Variants in PCNT observed in about 807,000 individuals in gnomAD.
PCNT encodes kendrin.
Under a neutral mutation model 380.4 loss-of-function variants are expected in PCNT, and 319 were observed. The observed-to-expected ratio is 0.84, with a 90% CI of 0.77 to 0.92. The LOEUF (loss-of-function observed/expected upper bound fraction) is 0.92, where lower values mean the gene tolerates loss of function less well. Among genes scored for constraint, PCNT ranks in the 40% least tolerant of loss-of-function variants. PCNT has a pLI of 0.00. For missense variants in PCNT, 4,400 were observed against 4,255.3 expected (o/e 1.03, Z -0.95); for synonymous variants, 1,845 against 1,735.2 (o/e 1.06, Z -1.57).
intron 2 of PCNT, among the ~76,000 whole-genome samples, chr21:46,328,583 C>G (rs1288300577): frequency 6.6e-6 from 1 of 152,120 alleles, no homozygotes; most frequent in Non-Finnish European, 1.5e-5. Context: ...GCGTCAGCCT[C>G]CCGTGTAGCT....
At chr21:46,429,878 T>C in intron 35 of PCNT, 132 bp from the exon 36 acceptor site, 1 of 704,612 alleles carries the variant, frequency 1.4e-6, no homozygotes. Flanking sequence ...TGAAAGCTTC[T>C]AGTCCACAGA....
chr21:46,326,437 G>A lies in PCNT; in HGVS notation c.115G>A (p.Ala39Thr), dbSNP rs2083397189. 1 of 1,614,120 alleles carries A rather than the reference G, an allele frequency of 6.2e-7. No homozygotes were observed. Among genetic ancestry groups the A allele is most frequent in the South Asian group, 1.1e-5 (1 of 91,092 alleles). ...CAGTTCGCATTCGGAGAAAAAGACG[G>A]CGAAGAGGAAGGGCTCGGCTGTCGA... ...GDSSHSEKKT[A>T]KRKGSAVDAS... Residue 39 changes from alanine (A) to threonine (T), a missense_variant, in exon 2 of 47, where the codon GCG (alanine) becomes ACG (threonine). Physicochemically the swap from Ala to Thr is moderately conservative, Grantham distance 58. Transcript: ENST00000359568.
At chr21:46,355,123 G>T (rs371711159) in intron 11 of PCNT, among the ~76,000 whole-genome samples, 1 of 152,228 alleles carries the variant, frequency 6.6e-6, no homozygotes, top group Non-Finnish European at 1.5e-5. Context: ...GACGCGAGGG[G>T]CACGTGCCCT....
intron 29 of PCNT, among the ~76,000 whole-genome samples, chr21:46,414,521 C>T (rs999626939): frequency 6.7e-6 from 1 of 148,468 alleles, no homozygotes; most frequent in African/African-American, 2.5e-5. Context: ...ACACAACCAC[C>T]CACCCTGCTC....
At chr21:46,376,709 C>G (rs1169797689) in intron 15 of PCNT, among the ~76,000 whole-genome samples, 1 of 152,222 alleles carries the variant, frequency 6.6e-6, no homozygotes, top group East Asian at 1.9e-4. Context: ...CCCGCTGCCC[C>G]CTCCCTGGCT....
At chr21:46,435,607 A>G (rs1041935381) in intron 38 of PCNT, among the ~76,000 whole-genome samples, 2 of 151,396 alleles carry the variant, frequency 1.3e-5, no homozygotes, top group African/African-American at 4.9e-5. Context: ...CAGTGGCGCA[A>G]TCTCGGCTCA....
chr21:46,429,984 T>C (rs754600874), intron 35 of PCNT, 26 bp from the exon 36 acceptor site: 1 of 1,595,632 alleles, frequency 6.3e-7, no homozygotes, highest in Non-Finnish European at 8.6e-7. Context: ...CATGGGGGCC[T>C]GTTACTGTTC....
intron 34 of PCNT, 51 bp downstream of exon 34, chr21:46,427,846 C>T: frequency 6.3e-7 from 1 of 1,586,916 alleles, no homozygotes; most frequent in Non-Finnish European, 8.6e-7. Flanking sequence ...GGGTCCAGCC[C>T]TGGCAGAGAG....
chr21:46,358,188 A>G (rs2084548926), intron 13 of PCNT, among the ~76,000 whole-genome samples: 1 of 152,232 alleles, frequency 6.6e-6, no homozygotes, highest in Non-Finnish European at 1.5e-5. Context: ...GGGGCAGCTC[A>G]GGGTCCATCC....
At position 46,427,836 on chromosome 21, in the gene PCNT, G is replaced by A. The variant is rs768408100; in HGVS notation, c.7494+41G>A. ...GCCACCAGGCCTCAGTTTGCCCCAG[G>A]GGTCCAGCCCTGGCAGAGAGGGTGA... On this transcript the variant is annotated intron_variant, in intron 34 of 46. Coordinates refer to ENST00000359568, the MANE Select transcript of PCNT (RefSeq NM_006031.6). 1.9e-6 allele frequency: 3 copies of A among 1,606,302 alleles called. No individual in the cohort carries two copies. The African/African-American group carries it at 4.0e-5, about 21-fold the overall frequency.
At chr21:46,439,616 C>CCAG (rs1190694386) in intron 41 of PCNT, among the ~76,000 whole-genome samples, 2 of 152,188 alleles carry the variant, frequency 1.3e-5, no homozygotes, top group African/African-American at 4.8e-5. Context: ...AAGAAGCACA[C>CCAG]GTTTGGTACA....
chr21:46,383,141 G>C (rs1302256368), intron 16 of PCNT, among the ~76,000 whole-genome samples: 6 of 147,966 alleles, frequency 4.1e-5, no homozygotes, highest in Non-Finnish European at 7.5e-5. Flanking sequence ...CATTCACGGT[G>C]TTGTGCATTC....
At chr21:46,428,356 T>C (rs765764286) in intron 34 of PCNT, 39 bp from the exon 35 acceptor site, 16 of 1,579,418 alleles carry the variant, frequency 1.0e-5, no homozygotes, top group Non-Finnish European at 1.4e-5. Flanking sequence ...ATGGGGTGGC[T>C]GCCCAATGCT....
At chr21:46,330,558 G>A (rs1046929690) in intron 2 of PCNT, among the ~76,000 whole-genome samples, 1 of 152,156 alleles carries the variant, frequency 6.6e-6, no homozygotes, top group Non-Finnish European at 1.5e-5. Context: ...AACCATTGGT[G>A]CTTTAGAAGC....
chr21:46,369,770 G>A (rs1361042948), intron 15 of PCNT, among the ~76,000 whole-genome samples: 1 of 152,220 alleles, frequency 6.6e-6, no homozygotes, highest in Non-Finnish European at 1.5e-5. Context: ...GACGGAAGGA[G>A]CTGGTCGCAG....
intron 9 of PCNT, among the ~76,000 whole-genome samples, chr21:46,352,785 G>A (rs772523499): frequency 2.6e-5 from 4 of 152,144 alleles, no homozygotes; most frequent in South Asian, 2.1e-4. Flanking sequence ...TTCTGGGCTC[G>A]AGGTTGGTCT....
chr21:46,367,989 A>G lies in PCNT; in HGVS notation c.3165+850A>G, dbSNP rs531591681. Among the ~76,000 whole-genome samples the G allele has an allele frequency of 1.1e-3, 168 of 152,272 alleles. 6 individuals carry two copies. The South Asian group carries it at 0.033, about 30-fold the overall frequency. Reference sequence around the variant, plus strand: ...GGAGTTTGAAACCAGCCTGTGGGCTACGAAAATTAAAAACAATTCACCGGG... The same window carrying G: ...GGAGTTTGAAACCAGCCTGTGGGCTGCGAAAATTAAAAACAATTCACCGGG... On this transcript the variant is annotated intron_variant, in intron 15 of 46. Coordinates refer to ENST00000359568, the MANE Select transcript of PCNT (RefSeq NM_006031.6).
Position 46,432,220 on chromosome 21 carries a change from G to C in PCNT, c.8751+5G>C. Reference sequence around the variant, plus strand: ...CAGAGAGACAAGGAGAAGCTGGTGAGAGCCGCCTGCCGGCGGAGCGTCCAC... The same window carrying C: ...CAGAGAGACAAGGAGAAGCTGGTGACAGCCGCCTGCCGGCGGAGCGTCCAC... On this transcript the variant is annotated splice_donor_5th_base_variant and intron_variant, in intron 38 of 46. Transcript: ENST00000359568. The C allele has an allele frequency of 6.2e-7, 1 of 1,604,110 alleles. No individual in the cohort carries two copies. Among genetic ancestry groups the C allele is most frequent in the Non-Finnish European group, 8.5e-7 (1 of 1,176,590 alleles).
chr21:46,422,662 A>C (rs1413360731), intron 32 of PCNT, among the ~76,000 whole-genome samples: 1 of 152,248 alleles, frequency 6.6e-6, no homozygotes, highest in East Asian at 1.9e-4. Flanking sequence ...AGTGAGTGAT[A>C]GAATGATGCC....
Sources: allele counts gnomAD v4.1 joint callset (sites outside exome capture counted in the v4.1 genomes callset), GRCh38; gene constraint gnomAD v4.1.1; transcripts MANE v1.5; gene names NCBI Gene and HGNC (gene_info 2026-07-23, HGNC 2026-07-21).